AASDHPPT: variants seen among roughly 807,000 people sequenced by gnomAD.
AASDHPPT encodes the protein aminoadipate-semialdehyde dehydrogenase-phosphopantetheinyl transferase.
In AASDHPPT, 23 loss-of-function variants were observed where a neutral mutation model predicts 36.4. That is an observed-to-expected ratio of 0.63 (90% CI 0.45 to 0.89). The LOEUF (loss-of-function observed/expected upper bound fraction) is 0.89. Among genes scored for constraint, AASDHPPT ranks in the 40% least tolerant of loss-of-function variants. AASDHPPT has a pLI of 0.00. For synonymous variants in AASDHPPT, 115 were observed against 128.0 expected (o/e 0.90, Z 0.68); for missense variants, 377 against 378.2 (o/e 1.00, Z 0.03).
rs1005702669 is a variant in AASDHPPT at position 106,091,355 on chromosome 11, C to T, written c.571C>T (p.Leu191=). The change falls in exon 4 of 6, where the codon CTA becomes TTA. Residue 191 remains leucine (L), a synonymous_variant. Transcript: ENST00000278618. The stretch of plus-strand genomic sequence containing the variant: ...CTTCATAAAAGCCATTGGTGTTGGA[C>T]TAGGATTTGAATTGCAGCGGCTTGA... ...ESFIKAIGVG[L]GFELQRLEFD... is the part of the protein sequence containing the mutation. The T allele has an allele frequency of 6.2e-7, 1 of 1,609,458 alleles. No homozygotes were observed. The highest frequency in any genetic ancestry group is 1.3e-5 in the African/African-American group (1 of 74,538).
chr11:106,079,655 G>A lies in AASDHPPT; in HGVS notation c.372G>A (p.Leu124=). 3 of 1,614,042 alleles carry A rather than the reference G, an allele frequency of 1.9e-6. No homozygotes were observed. The highest frequency in any genetic ancestry group is 2.5e-6 in the Non-Finnish European group (3 of 1,179,978). ...CAGTGCTTGCTGCTGAACCTGAGCT[G>A]CAAGTTGGAATTGATATAATGAAGA... is the stretch of plus-strand genomic sequence containing the variant. ...DYAVLAAEPE[L]QVGIDIMKTS... The change falls in exon 2 of 6, where the codon CTG becomes CTA. Residue 124 remains leucine, a synonymous_variant. Coordinates refer to ENST00000278618, the MANE Select transcript of AASDHPPT (RefSeq NM_015423.3).
chr11:106,095,444 T>G (rs1171369380), intron 5 of AASDHPPT, among the ~76,000 whole-genome samples: 1 of 152,156 alleles, frequency 6.6e-6, no homozygotes, highest in African/African-American at 2.4e-5. Context: ...ATAACATCAG[T>G]TTCAATTATT....
intron 2 of AASDHPPT, among the ~76,000 whole-genome samples, chr11:106,089,129 G>A (rs1274506261): frequency 6.6e-6 from 1 of 152,042 alleles, no homozygotes; most frequent in Non-Finnish European, 1.5e-5. Flanking sequence ...CTTTTAGTGA[G>A]TGATCATAAT....
At chr11:106,092,943 A>C (rs1007141657) in intron 4 of AASDHPPT, 1 of 152,168 alleles carries the variant, frequency 6.6e-6, no homozygotes, top group Admixed American at 6.5e-5. Context: ...TGCATTTTCC[A>C]TGTAACCATA....
chr11:106,091,217 G>T, intron 3 of AASDHPPT, 99 bp from the exon 4 acceptor site: 1 of 993,842 alleles, frequency 1.0e-6, no homozygotes, highest in Non-Finnish European at 1.5e-6. Context: ...TAGCCATAAT[G>T]TAGTATAGCA....
At chr11:106,085,707 A>G (rs1053045602) in intron 2 of AASDHPPT, among the ~76,000 whole-genome samples, 2 of 152,372 alleles carry the variant, frequency 1.3e-5, no homozygotes, top group South Asian at 2.1e-4. Context: ...TGACTTTGAC[A>G]ACAACCTCAG....
chr11:106,080,537 T>G (rs1391446427), intron 2 of AASDHPPT, among the ~76,000 whole-genome samples: 1 of 152,206 alleles, frequency 6.6e-6, no homozygotes, highest in African/African-American at 2.4e-5. Context: ...CAGGTTCTCT[T>G]AACTGCTGTA....
rs556139990 is a variant in AASDHPPT, at chr11:106,088,053, G to A, written c.410-2504G>A. Among the ~76,000 whole-genome samples the A allele has an allele frequency of 9.7e-4, 148 of 152,202 alleles. 1 individual carries two copies. Among genetic ancestry groups the A allele is most frequent in the African/African-American group, 3.4e-3 (141 of 41,556 alleles). On this transcript the variant is annotated intron_variant, in intron 2 of 5. Coordinates refer to ENST00000278618, the MANE Select transcript of AASDHPPT (RefSeq NM_015423.3). ...AGTGTGGCGCTGCTGTGCTTTGGCC[G>A]AATATTTACGAAATCACCTTTTCCT...
intron 2 of AASDHPPT, among the ~76,000 whole-genome samples, 193 bp downstream of exon 2, chr11:106,079,885 A>T (rs1207940719): frequency 6.6e-6 from 1 of 151,976 alleles, no homozygotes; most frequent in Non-Finnish European, 1.5e-5. Context: ...ACTTACACAT[A>T]AATAATAGAT....
chr11:106,077,766 G>T lies in AASDHPPT; in HGVS notation c.56G>T (p.Trp19Leu). Residue 19 changes from tryptophan to leucine, a missense_variant, in exon 1 of 6, where the codon TGG becomes TTG. By Grantham distance (61) the Trp-to-Leu change is moderately conservative. Coordinates refer to ENST00000278618, the MANE Select transcript of AASDHPPT (RefSeq NM_015423.3). ...GTGCCATCCATGGAGGGCGTGCGCT[G>T]GGCCTTTTCCTGCGGCACTTGGCTG... ...CLVPSMEGVR[W>L]AFSCGTWLPS... 1 of 1,614,194 alleles carries T rather than the reference G, an allele frequency of 6.2e-7. No homozygotes were observed. Among genetic ancestry groups the T allele is most frequent in the Middle Eastern group, 1.7e-4 (1 of 6,058 alleles).
At chr11:106,081,445 G>T (rs1861140583) in intron 2 of AASDHPPT, among the ~76,000 whole-genome samples, 1 of 152,174 alleles carries the variant, frequency 6.6e-6, no homozygotes, top group South Asian at 2.1e-4. Flanking sequence ...TCTTGGGAAA[G>T]GATCTGGTAT....
intron 2 of AASDHPPT, among the ~76,000 whole-genome samples, chr11:106,085,483 A>G (rs1240782186): frequency 1.3e-5 from 2 of 151,890 alleles, no homozygotes; most frequent in Non-Finnish European, 1.5e-5. Flanking sequence ...GCTTAAAATA[A>G]TAAACCACTA....
intron 2 of AASDHPPT, among the ~76,000 whole-genome samples, chr11:106,090,011 G>A (rs567446790): frequency 3.3e-5 from 5 of 152,060 alleles, no homozygotes; most frequent in South Asian, 2.1e-4. Context: ...TTTTTTAGCC[G>A]TGGCAATAAT....
At chr11:106,090,992 A>G (rs1267411994) in intron 3 of AASDHPPT, among the ~76,000 whole-genome samples, 3 of 152,132 alleles carry the variant, frequency 2.0e-5, no homozygotes, top group Non-Finnish European at 4.4e-5. Context: ...ACAAACACTG[A>G]TAATATATAC....
chr11:106,090,116 A>T (rs1170802944), intron 2 of AASDHPPT, among the ~76,000 whole-genome samples: 18 of 152,054 alleles, frequency 1.2e-4, no homozygotes. Flanking sequence ...ATAACAAAAT[A>T]AAACTTTAGA....
In AASDHPPT at chr11:106,096,726, C is replaced by G; in HGVS notation, c.766-17C>G. ...ACATGCAATATAACAATAAGGTAAT[C>G]TGCTTTTGTCTTTTAGGTTCCATCT... is the stretch of plus-strand genomic sequence containing the variant. On this transcript the variant is annotated splice_polypyrimidine_tract_variant and intron_variant, in intron 5 of 5. Coordinates refer to ENST00000278618, the MANE Select transcript of AASDHPPT (RefSeq NM_015423.3). The G allele has an allele frequency of 6.5e-7, 1 of 1,547,546 alleles. No homozygotes were observed. Among genetic ancestry groups the G allele is most frequent in the Non-Finnish European group, 8.7e-7 (1 of 1,150,586 alleles).
At chr11:106,082,652 C>G (rs1345898551) in intron 2 of AASDHPPT, among the ~76,000 whole-genome samples, 1 of 152,144 alleles carries the variant, frequency 6.6e-6, no homozygotes, top group African/African-American at 2.4e-5. Context: ...ATTTCCCTCC[C>G]TCTACCTGTT....
At position 106,098,521 on chromosome 11, in the gene AASDHPPT, A is replaced by G. The variant is rs1413792524; in HGVS notation, c.*1614A>G. The G allele has an allele frequency of 6.7e-6, 1 of 149,016 alleles. No individual in the cohort carries two copies. The highest frequency in any genetic ancestry group is 1.5e-5 in the Non-Finnish European group (1 of 66,778). The allele number at this position is 149,016 out of a possible 1,614,324, so 9.2% of individuals were successfully genotyped here. A position where few individuals can be genotyped will look rare whatever the true frequency, so the allele number is the denominator to read the frequency against. Reference sequence around the variant, plus strand: ...CGATTAGTAAAAGAAAAAAATTTGAATGTTTTTTTTTTTTATTTTATTAAG... The same window carrying G: ...CGATTAGTAAAAGAAAAAAATTTGAGTGTTTTTTTTTTTTATTTTATTAAG... On this transcript the variant is annotated 3_prime_UTR_variant, in exon 6 of 6. Transcript: ENST00000278618.
At chr11:106,088,197 A>G (rs750699390) in intron 2 of AASDHPPT, among the ~76,000 whole-genome samples, 1 of 152,062 alleles carries the variant, frequency 6.6e-6, no homozygotes, top group Non-Finnish European at 1.5e-5. Context: ...CTTTCTAGTG[A>G]TTGTGCCAGA....
Sources: allele counts gnomAD v4.1 joint callset (sites outside exome capture counted in the v4.1 genomes callset), GRCh38; gene constraint gnomAD v4.1.1; transcripts MANE v1.5; gene names NCBI Gene and HGNC (gene_info 2026-07-23, HGNC 2026-07-21).